Variants in IFT140 observed in about 807,000 individuals in gnomAD.
IFT140 encodes the protein intraflagellar transport 140, also known as intraflagellar transport protein 140 homolog.
A neutral mutation model predicts 164.6 loss-of-function variants in IFT140; 133 were observed. The ratio of observed to expected loss-of-function variants is 0.81; its 90% CI spans 0.70 to 0.93. The LOEUF (loss-of-function observed/expected upper bound fraction) is 0.93, where lower values mean the gene tolerates loss of function less well. Among genes scored for constraint, IFT140 ranks in the 40% least tolerant of loss-of-function variants. The pLI is 0.00. For missense variants in IFT140, 2,045 were observed against 1,972.3 expected (o/e 1.04, Z -0.70); for synonymous variants, 860 against 817.3 (o/e 1.05, Z -0.89).
chr16:1,591,296 A>G (rs922065210), intron 6 of IFT140, among the ~76,000 whole-genome samples: 7 of 151,768 alleles, frequency 4.6e-5, no homozygotes, highest in African/African-American at 1.7e-4. Flanking sequence ...CCTCCTTGCC[A>G]TCTCACAGTG....
chr16:1,596,825 G>C (rs1422481318), intron 4 of IFT140, among the ~76,000 whole-genome samples: 2 of 152,114 alleles, frequency 1.3e-5, no homozygotes, highest in Non-Finnish European at 2.9e-5. Flanking sequence ...CCAGGGTCCA[G>C]GCTTGGGTCT....
intron 3 of IFT140, among the ~76,000 whole-genome samples, chr16:1,603,782 T>C (rs1025133374): frequency 3.3e-5 from 5 of 152,266 alleles, no homozygotes; most frequent in South Asian, 4.2e-4. Context: ...TGCCCGGCCA[T>C]GTGCTGTGTT....
chr16:1,592,759 A>G (rs1468112970), intron 4 of IFT140, among the ~76,000 whole-genome samples, 171 bp from the exon 5 acceptor site: 3 of 151,362 alleles, frequency 2.0e-5, no homozygotes, highest in African/African-American at 7.3e-5. Context: ...GTGTCCCGGC[A>G]GAGTGACTGG....
At chr16:1,522,225 T>C (rs1044028302) in intron 26 of IFT140, among the ~76,000 whole-genome samples, 6 of 151,804 alleles carry the variant, frequency 4.0e-5, no homozygotes, top group Admixed American at 2.0e-4. Flanking sequence ...GGTGTGGTGG[T>C]GGGCGCCTGT....
chr16:1,537,074 G>A (rs1057337288), intron 19 of IFT140, among the ~76,000 whole-genome samples: 1 of 152,232 alleles, frequency 6.6e-6, no homozygotes, highest in Non-Finnish European at 1.5e-5. Context: ...AGTGTTCCTT[G>A]TAAAATCACC....
chr16:1,568,191 G>A, intron 15 of IFT140, 26 bp downstream of exon 15: 1 of 1,519,616 alleles, frequency 6.6e-7, no homozygotes, highest in Non-Finnish European at 9.0e-7. Context: ...AGGCGGAGTG[G>A]GCGAGTGGAC....
chr16:1,580,700 A>G, intron 13 of IFT140, 59 bp downstream of exon 13: 1 of 1,151,546 alleles, frequency 8.7e-7, no homozygotes, highest in Non-Finnish European at 1.3e-6. Context: ...CTTTGTCTCA[A>G]TTGAGAGGCA....
chr16:1,559,517 C>T (rs1596364529), intron 18 of IFT140, among the ~76,000 whole-genome samples: 1 of 152,226 alleles, frequency 6.6e-6, no homozygotes, highest in Non-Finnish European at 1.5e-5. Context: ...GCAGCGTTAA[C>T]AGACAAAAGA....
At chr16:1,539,250 G>A (rs938180636) in intron 19 of IFT140, among the ~76,000 whole-genome samples, 6 of 149,076 alleles carry the variant, frequency 4.0e-5, no homozygotes, top group East Asian at 2.0e-4. Context: ...CAAGCCACAC[G>A]GTGCCAAGCC....
At chr16:1,544,196 T>G (rs2031931850) in intron 19 of IFT140, among the ~76,000 whole-genome samples, 1 of 151,288 alleles carries the variant, frequency 6.6e-6, no homozygotes, top group Non-Finnish European at 1.5e-5. Flanking sequence ...TTTTTTTTTT[T>G]TTTTTGAGAC....
intron 12 of IFT140, 112 bp from the exon 13 acceptor site, chr16:1,580,962 T>C: frequency 1.4e-6 from 1 of 711,680 alleles, no homozygotes; most frequent in African/African-American, 1.7e-5. Flanking sequence ...TCACCACAGC[T>C]TCATAGGGGT....
intron 14 of IFT140, among the ~76,000 whole-genome samples, chr16:1,570,030 C>T (rs2033939327): frequency 6.6e-6 from 1 of 152,148 alleles, no homozygotes; most frequent in Non-Finnish European, 1.5e-5. Context: ...TCTCTGTGAC[C>T]CCCACCCTGC....
chr16:1,597,048 C>A (rs551674949), intron 4 of IFT140, among the ~76,000 whole-genome samples: 6 of 152,282 alleles, frequency 3.9e-5, no homozygotes, highest in Admixed American at 2.0e-4. Flanking sequence ...GGATGAGCGT[C>A]TTGGGGGTGC....
intron 13 of IFT140, among the ~76,000 whole-genome samples, chr16:1,573,096 G>C (rs374525573): frequency 6.6e-6 from 1 of 152,216 alleles, no homozygotes; most frequent in Non-Finnish European, 1.5e-5. Context: ...AGTGTGTTTA[G>C]GAAACTGAGG....
chr16:1,524,690 C>T lies in IFT140; in HGVS notation c.3003G>A (p.Ala1001=), dbSNP rs151293332. 1.8e-5 allele frequency: 29 copies of T among 1,573,996 alleles called. 1 individual carries two copies. The highest frequency in any genetic ancestry group is 1.6e-4 in the South Asian group (14 of 87,146). Residue 1001 remains alanine, a synonymous_variant, in exon 24 of 31, where the codon GCG becomes GCA. Coordinates refer to ENST00000426508, the MANE Select transcript of IFT140 (RefSeq NM_014714.4). ...GGTTTCCTGTCTCGTTGGCTATTTG[C>T]GCAGCCTAGAAAGACAAAGAACCCA... The part of the protein sequence containing the change: ...HCFQGNVQKA[A]QIANETGNLA...
At chr16:1,588,832 T>A (rs941613480) in intron 7 of IFT140, among the ~76,000 whole-genome samples, 5 of 152,088 alleles carry the variant, frequency 3.3e-5, no homozygotes, top group African/African-American at 1.2e-4. Context: ...CAGGAGGTAC[T>A]TAAGGTTAAT....
chr16:1,582,442 G>A (rs1240992470), intron 12 of IFT140, among the ~76,000 whole-genome samples: 7 of 152,192 alleles, frequency 4.6e-5, no homozygotes, highest in East Asian at 3.9e-4. Flanking sequence ...CCCTGCTGAC[G>A]CGATCACTTC....
chr16:1,578,706 C>T (rs1193174574), intron 13 of IFT140, among the ~76,000 whole-genome samples: 1 of 152,116 alleles, frequency 6.6e-6, no homozygotes, highest in African/African-American at 2.4e-5. Context: ...GTGGTGAAAC[C>T]CCGTCTCTAC....
chr16:1,563,867 C>T (rs2033562974), intron 17 of IFT140, 130 bp downstream of exon 17: 6 of 907,944 alleles, frequency 6.6e-6, no homozygotes, highest in Non-Finnish European at 9.3e-6. Flanking sequence ...CTCAAGCGTT[C>T]CCTCCCGCCT....
Sources: allele counts gnomAD v4.1 joint callset (sites outside exome capture counted in the v4.1 genomes callset), GRCh38; gene constraint gnomAD v4.1.1; transcripts MANE v1.5; gene names NCBI Gene and HGNC (gene_info 2026-07-23, HGNC 2026-07-21).